The following CMSS1 variants were observed in gnomAD, a reference collection of about 807,000 sequenced individuals.
The protein encoded by CMSS1 is cms1 ribosomal small subunit homolog.
A neutral mutation model predicts 43.5 loss-of-function variants in CMSS1; 33 were observed. The ratio of observed to expected loss-of-function variants is 0.76; its 90% CI spans 0.57 to 1.01. CMSS1 has a LOEUF of 1.01. Ranked by LOEUF, CMSS1 falls within the 50% of genes least tolerant of loss-of-function variation. The probability of loss-of-function intolerance (pLI) is 0.00; values close to 1 mark genes in which losing one functional copy is unlikely to be tolerated. For missense variants in CMSS1, 313 were observed against 326.4 expected (o/e 0.96, Z 0.32); for synonymous variants, 115 against 117.2 (o/e 0.98, Z 0.12).
At chr3:99,910,114 C>T (rs1358814287) in intron 1 of CMSS1, among the ~76,000 whole-genome samples, 1 of 136,282 alleles carries the variant, frequency 7.3e-6, no homozygotes, top group East Asian at 2.0e-4. Flanking sequence ...TGTCCAGAAC[C>T]TGTGAAATTC....
At chr3:100,118,968 G>A (rs2066598124) in intron 1 of CMSS1, among the ~76,000 whole-genome samples, 1 of 152,118 alleles carries the variant, frequency 6.6e-6, no homozygotes, top group African/African-American at 2.4e-5. Flanking sequence ...TCTTTTGGTG[G>A]TCGTGTTGTT....
At chr3:100,070,623 TTTG>T (rs1229617694) in intron 1 of CMSS1, among the ~76,000 whole-genome samples, 8 of 152,096 alleles carry the variant, frequency 5.3e-5, no homozygotes, top group African/African-American at 1.7e-4. Context: ...GTGGGGTTTT[TTTG>T]TTGTTGTTGT....
chr3:100,117,439 G>A (rs1405494489), intron 1 of CMSS1, among the ~76,000 whole-genome samples: 3 of 151,978 alleles, frequency 2.0e-5, no homozygotes, highest in African/African-American at 7.2e-5. Flanking sequence ...TAAACACTAG[G>A]GCTATATGAG....
At chr3:100,110,809 T>TA (rs1296779903) in intron 1 of CMSS1, among the ~76,000 whole-genome samples, 2 of 152,132 alleles carry the variant, frequency 1.3e-5, no homozygotes, top group Non-Finnish European at 2.9e-5. Flanking sequence ...ACAGCCTACT[T>TA]ATGCTTGCAC....
At chr3:99,903,397 GCC>G (rs1706504379) in intron 1 of CMSS1, among the ~76,000 whole-genome samples, 1 of 151,768 alleles carries the variant, frequency 6.6e-6, no homozygotes, top group Admixed American at 6.6e-5. Flanking sequence ...GATTACAGGC[GCC>G]TGCCACCACA....
At chr3:99,978,978 T>C (rs1709046106) in intron 1 of CMSS1, among the ~76,000 whole-genome samples, 1 of 152,024 alleles carries the variant, frequency 6.6e-6, no homozygotes, top group South Asian at 2.1e-4. Flanking sequence ...GGTTAACAGA[T>C]ACAAAATTAC....
intron 1 of CMSS1, among the ~76,000 whole-genome samples, chr3:99,866,529 G>C (rs150010188): frequency 6.6e-6 from 1 of 152,250 alleles, no homozygotes; most frequent in East Asian, 1.9e-4. Flanking sequence ...GATCCTTAGA[G>C]GACTTTTTTG....
Position 100,147,065 on chromosome 3 carries a change from AG to A in CMSS1, c.153+8del, listed in dbSNP as rs1206320743. ...ACCTTCAGAGAAAACCAAACAGGTG[AG>A]GGGTCACTGTGGGAGAGCCACCACT... On this transcript the variant is annotated splice_donor_5th_base_variant and intron_variant, in intron 2 of 9. Transcript: ENST00000421999. 2 of 1,613,656 alleles carry A rather than the reference AG, an allele frequency of 1.2e-6. No homozygotes were observed. The highest frequency in any genetic ancestry group is 4.5e-5 in the East Asian group (2 of 44,856).
intron 1 of CMSS1, among the ~76,000 whole-genome samples, chr3:99,818,996 A>ATTGG (rs1942379576): frequency 6.6e-6 from 1 of 152,230 alleles, no homozygotes; most frequent in Non-Finnish European, 1.5e-5. Context: ...GACAGGGCCA[A>ATTGG]AGTCAGATTC....
chr3:99,943,851 A>G (rs1032333343), intron 1 of CMSS1, among the ~76,000 whole-genome samples: 1 of 152,192 alleles, frequency 6.6e-6, no homozygotes, highest in African/African-American at 2.4e-5. Context: ...TTATAATCTT[A>G]CTTCCCTCGC....
intron 1 of CMSS1, among the ~76,000 whole-genome samples, chr3:100,086,892 C>T (rs2066018548): frequency 6.6e-6 from 1 of 152,172 alleles, no homozygotes; most frequent in South Asian, 2.1e-4. Context: ...CCCCTAGTAA[C>T]TACTGATTTT....
At chr3:99,989,925 G>C (rs1709463410) in intron 1 of CMSS1, among the ~76,000 whole-genome samples, 1 of 152,016 alleles carries the variant, frequency 6.6e-6, no homozygotes, top group South Asian at 2.1e-4. Flanking sequence ...TTAGTTCCAA[G>C]ACACCTGGTA....
intron 1 of CMSS1, among the ~76,000 whole-genome samples, chr3:99,835,679 T>C (rs1297738860): frequency 6.6e-6 from 1 of 152,156 alleles, no homozygotes; most frequent in Non-Finnish European, 1.5e-5. Flanking sequence ...TTAAGAAACA[T>C]TGATATAAGG....
At chr3:100,127,720 T>C (rs1468488445) in intron 1 of CMSS1, among the ~76,000 whole-genome samples, 1 of 151,900 alleles carries the variant, frequency 6.6e-6, no homozygotes, top group Non-Finnish European at 1.5e-5. Context: ...GACAAAGGAG[T>C]CTGTGGAATG....
intron 1 of CMSS1, among the ~76,000 whole-genome samples, chr3:100,119,278 T>C (rs1279127465): frequency 6.6e-6 from 1 of 152,226 alleles, no homozygotes; most frequent in Non-Finnish European, 1.5e-5. Flanking sequence ...GAAAAATGAA[T>C]TCTTGTAGCA....
intron 1 of CMSS1, among the ~76,000 whole-genome samples, chr3:99,839,173 G>C (rs1943023669): frequency 6.6e-6 from 1 of 152,088 alleles, no homozygotes; most frequent in African/African-American, 2.4e-5. Flanking sequence ...AATCCCACCT[G>C]AAAGTAACCT....
chr3:100,029,798 C>T lies in CMSS1; in HGVS notation c.65-117175C>T, dbSNP rs551669093. 1.3e-4 allele frequency among the ~76,000 whole-genome samples: 20 copies of T among 152,186 alleles called. No individual in the cohort carries two copies. The South Asian group carries it at 2.5e-3, about 19-fold the overall frequency. The stretch of plus-strand genomic sequence containing the variant: ...GCTTTTGTAGCTGAGCCTGTCACTA[C>T]GCTATATAGTGACCAAAAGGGCAGA... On this transcript the variant is annotated intron_variant, in intron 1 of 9. Transcript: ENST00000421999.
At chr3:99,866,171 G>GT (rs547796498) in intron 1 of CMSS1, among the ~76,000 whole-genome samples, 527 of 143,898 alleles carry the variant, frequency 3.7e-3, no homozygotes, top group Non-Finnish European at 4.4e-3. Context: ...TTAAGCCTGT[G>GT]TTTTTTTTTT....
chr3:100,045,463 T>C (rs969109117), intron 1 of CMSS1, among the ~76,000 whole-genome samples: 1 of 152,194 alleles, frequency 6.6e-6, no homozygotes, highest in East Asian at 1.9e-4. Context: ...TTAGCTTTCA[T>C]TGTGCTGCTG....
Sources: allele counts gnomAD v4.1 joint callset (sites outside exome capture counted in the v4.1 genomes callset), GRCh38; gene constraint gnomAD v4.1.1; transcripts MANE v1.5; gene names NCBI Gene and HGNC (gene_info 2026-07-23, HGNC 2026-07-21).